ADARB1: variants seen among roughly 807,000 people sequenced by gnomAD.
ADARB1 encodes the protein double-stranded RNA-specific editase 1.
In ADARB1, 10 loss-of-function variants were observed where a neutral mutation model predicts 52.4. The ratio of observed to expected loss-of-function variants is 0.19; its 90% confidence interval spans 0.12 to 0.32. The LOEUF is 0.32. Among genes scored for constraint, ADARB1 ranks in the 10% least tolerant of loss-of-function variants. The pLI is 1.00. For missense variants in ADARB1, 643 were observed against 922.3 expected, an observed-to-expected ratio of 0.70 and a Z score of 3.92; for synonymous variants, 349 against 371.1, an observed-to-expected ratio of 0.94 and a Z score of 0.68.
chr21:45,094,734 G>A (rs1187825477), intron 1 of ADARB1, among the ~76,000 whole-genome samples: 3 of 152,040 alleles, frequency 2.0e-5, no homozygotes, highest in African/African-American at 7.2e-5. Flanking sequence ...ATGTTGAGGG[G>A]AGAGAGGGGG....
At chr21:45,179,633 A>T (rs957801675) in intron 4 of ADARB1, among the ~76,000 whole-genome samples, 1 of 152,144 alleles carries the variant, frequency 6.6e-6, no homozygotes, top group African/African-American at 2.4e-5. Context: ...GGTGTTCCGA[A>T]CGTCTAAGCG....
In ADARB1 at chr21:45,112,428, C is replaced by T. The variant is rs541820680; in HGVS notation, c.-219-15974C>T. On this transcript the variant is annotated intron_variant, in intron 1 of 10. Transcript: ENST00000348831. ...TGGTGGACTTCCCCTATCCCTGGGG[C>T]TCCTCATAACCCTTCCCTCTTCTCT... is the stretch of plus-strand genomic sequence containing the variant. Among the ~76,000 whole-genome samples, 3 of 152,174 alleles carry T rather than the reference C, an allele frequency of 2.0e-5. No homozygotes were observed. The South Asian group carries it at 6.2e-4, about 32-fold the overall frequency.
chr21:45,152,646 C>A (rs751656083), intron 2 of ADARB1: 1 of 450,444 alleles, frequency 2.2e-6, no homozygotes, highest in South Asian at 1.6e-5. Flanking sequence ...CACATGGGGA[C>A]CTTTTTCAGC....
chr21:45,081,848 G>A (rs2086164118), intron 1 of ADARB1, among the ~76,000 whole-genome samples: 1 of 152,208 alleles, frequency 6.6e-6, no homozygotes, highest in Non-Finnish European at 1.5e-5. Flanking sequence ...AGAGTGGCCA[G>A]GATAGGACCA....
rs775452839 is a variant in ADARB1 at position 45,204,287 on chromosome 21, T to C, written c.1566-268T>C. Among the ~76,000 whole-genome samples the C allele has an allele frequency of 3.9e-5, 6 of 152,226 alleles. No homozygotes were observed. The highest frequency in any genetic ancestry group is 7.3e-5 in the Non-Finnish European group (5 of 68,028). On this transcript the variant is annotated intron_variant, in intron 8 of 10. Coordinates refer to ENST00000348831, the MANE Select transcript of ADARB1 (RefSeq NM_001112.4). The surrounding 1 kb of genome is among the most constrained non-coding windows in gnomAD (Gnocchi z 4.4). ...TTTCCTTTCTGATATTTCCCACAGA[T>C]TTCTCACAAGAAACATATGTGGCTC...
At chr21:45,182,530 T>C (rs999921999) in intron 5 of ADARB1, 55 bp from the exon 6 acceptor site, 29 of 1,548,012 alleles carry the variant, frequency 1.9e-5, no homozygotes, top group Non-Finnish European at 2.4e-5. Context: ...GGAGCACAGT[T>C]AGGCAAACAT....
intron 2 of ADARB1, among the ~76,000 whole-genome samples, chr21:45,153,304 T>G (rs1002723572): frequency 1.3e-5 from 2 of 151,636 alleles, no homozygotes; most frequent in African/African-American, 4.9e-5. Flanking sequence ...AAGCTACTGG[T>G]TTTTGGACCT....
At chr21:45,182,563 T>C (rs1160848973) in intron 5 of ADARB1, 22 bp from the exon 6 acceptor site, 5 of 1,578,868 alleles carry the variant, frequency 3.2e-6, no homozygotes, top group Non-Finnish European at 4.3e-6. Flanking sequence ...CAGAAAATAG[T>C]GTCTCTTTTT....
At chr21:45,112,166 A>C (rs535841934) in intron 1 of ADARB1, among the ~76,000 whole-genome samples, 35 of 152,358 alleles carry the variant, frequency 2.3e-4, no homozygotes, top group African/African-American at 8.2e-4. Flanking sequence ...AGCCTCTGTC[A>C]TCAGGGAAGG....
chr21:45,171,707 A>G (rs1291545948), intron 3 of ADARB1, 23 bp downstream of exon 3: 2 of 1,588,222 alleles, frequency 1.3e-6, no homozygotes, highest in East Asian at 4.5e-5. Context: ...CCTATCACGT[A>G]GTATCAGATA....
chr21:45,202,262 C>T (rs1418563840), intron 8 of ADARB1, among the ~76,000 whole-genome samples: 1 of 152,118 alleles, frequency 6.6e-6, no homozygotes, highest in East Asian at 1.9e-4. Flanking sequence ...ATATCTCTTC[C>T]AAAAGTGGAT....
chr21:45,183,633 A>C, intron 7 of ADARB1, 123 bp downstream of exon 7: 1 of 1,124,164 alleles, frequency 8.9e-7, no homozygotes, highest in African/African-American at 1.6e-5. Context: ...TGTGGATCTG[A>C]TAAGAGTCTC....
At chr21:45,163,846 A>G (rs1471322961) in intron 2 of ADARB1, among the ~76,000 whole-genome samples, 1 of 152,170 alleles carries the variant, frequency 6.6e-6, no homozygotes, top group African/African-American at 2.4e-5. Context: ...GCTTGTCCCC[A>G]TGCTTGCTGT....
chr21:45,225,504 CTT>C lies in ADARB1; in HGVS notation c.*3309_*3310del. 7.6e-7 allele frequency: 1 copy of C among 1,317,878 alleles called. No individual in the cohort carries two copies. The highest frequency in any genetic ancestry group is 9.8e-7 in the Non-Finnish European group (1 of 1,023,778). 81.6% of individuals were successfully genotyped at this position (1,317,878 alleles called of 1,614,324 possible). On this transcript the variant is annotated 3_prime_UTR_variant, in exon 11 of 11. Coordinates refer to ENST00000348831, the MANE Select transcript of ADARB1 (RefSeq NM_001112.4). ...TTATCTCCAGGCTGTGGAATCGCCA[CTT>C]TCTTTGTGAAGACAGTGTCTCTCCT...
chr21:45,111,355 C>T (rs528543402), intron 1 of ADARB1, among the ~76,000 whole-genome samples: 2 of 152,150 alleles, frequency 1.3e-5, no homozygotes, highest in Non-Finnish European at 2.9e-5. Flanking sequence ...GGGACAGGTA[C>T]AAAGATTTCC....
chr21:45,190,199 T>TC (rs2092243105), intron 8 of ADARB1, among the ~76,000 whole-genome samples: 1 of 152,190 alleles, frequency 6.6e-6, no homozygotes, highest in Non-Finnish European at 1.5e-5. Flanking sequence ...ACCTGTCTTC[T>TC]TTTTTCCACC....
At chr21:45,187,577 GC>G (rs1353189522) in intron 8 of ADARB1, among the ~76,000 whole-genome samples, 1 of 152,152 alleles carries the variant, frequency 6.6e-6, no homozygotes, top group Non-Finnish European at 1.5e-5. Flanking sequence ...GGACATCCTT[GC>G]ATTGTACCTG....
intron 7 of ADARB1, 56 bp from the exon 8 acceptor site, chr21:45,184,867 A>G: frequency 6.0e-6 from 9 of 1,508,408 alleles, no homozygotes; most frequent in East Asian, 2.3e-5. Flanking sequence ...GTGCTTTTCA[A>G]TAAATCAAAT....
At chr21:45,116,253 G>A (rs189275589) in intron 1 of ADARB1, among the ~76,000 whole-genome samples, 2 of 152,380 alleles carry the variant, frequency 1.3e-5, no homozygotes, top group South Asian at 2.1e-4. Context: ...CAGCCCCAGG[G>A]TGGGGCTGGC....
Sources: gnomAD v4.1 joint callset for allele counts (sites outside exome capture counted in the v4.1 genomes callset) on GRCh38, gnomAD v4.1.1 for gene constraint, Gnocchi (gnomAD v3.1) non-coding constraint, MANE v1.5 for transcripts, NCBI Gene and HGNC (gene_info 2026-07-23, HGNC 2026-07-21) for gene names.